IGSF11: variants seen among roughly 807,000 people sequenced by gnomAD.
The protein encoded by IGSF11 is immunoglobulin superfamily member 11.
Under a neutral mutation model 41.0 loss-of-function variants are expected in IGSF11, and 22 were observed. The ratio of observed to expected loss-of-function variants is 0.54; its 90% CI spans 0.38 to 0.77. The LOEUF is 0.77. Ranked by LOEUF, IGSF11 falls within the 30% of genes least tolerant of loss-of-function variation. IGSF11 has a pLI of 0.00. For synonymous variants in IGSF11, 219 were observed against 201.3 expected (o/e 1.09, Z -0.74); for missense variants, 444 against 530.8 (o/e 0.84, Z 1.61).
At chr3:118,983,653 T>C (rs971856897) in intron 1 of IGSF11, among the ~76,000 whole-genome samples, 1 of 152,036 alleles carries the variant, frequency 6.6e-6, no homozygotes, top group Non-Finnish European at 1.5e-5. Context: ...GTTACACAAA[T>C]GAGAAAACAG....
chr3:118,920,223 C>T (rs1323497788), intron 4 of IGSF11, among the ~76,000 whole-genome samples: 2 of 147,392 alleles, frequency 1.4e-5, no homozygotes, highest in Non-Finnish European at 3.0e-5. Flanking sequence ...AACTAACCTG[C>T]ACAATGTGCA....
Position 118,902,415 on chromosome 3 carries a change from A to G in IGSF11, c.*105T>C. The G allele has an allele frequency of 3.5e-6, 3 of 860,064 alleles. No individual in the cohort carries two copies. Among genetic ancestry groups the G allele is most frequent in the Non-Finnish European group, 5.5e-6 (3 of 549,066 alleles). 53.3% of individuals were successfully genotyped at this position (860,064 alleles called of 1,614,324 possible). A position where few individuals can be genotyped will look rare whatever the true frequency, so the allele number is the denominator to read the frequency against. ...CTTCTTCTTTGTGCATTTTACTAAT[A>G]TAATTATAAGGAAGTGTTTCTTTCC... On this transcript the variant is annotated 3_prime_UTR_variant, in exon 7 of 7. Transcript: ENST00000393775.
chr3:119,134,283 T>C (rs2077525679), intron 1 of IGSF11, among the ~76,000 whole-genome samples: 1 of 152,208 alleles, frequency 6.6e-6, no homozygotes, highest in Admixed American at 6.5e-5. Flanking sequence ...GGGTCCCTGT[T>C]TGCAGATGAC....
At chr3:118,974,106 A>G (rs1933783477) in intron 1 of IGSF11, among the ~76,000 whole-genome samples, 1 of 152,084 alleles carries the variant, frequency 6.6e-6, no homozygotes. Flanking sequence ...AGAACTTTAA[A>G]TTAAATTTAA....
intron 4 of IGSF11, among the ~76,000 whole-genome samples, chr3:118,919,194 C>T (rs1343940218): frequency 2.3e-5 from 3 of 133,166 alleles, no homozygotes; most frequent in East Asian, 2.2e-4. Flanking sequence ...AGGACATAGG[C>T]GTGGGCAAGG....
chr3:118,954,499 A>T (rs1944811223), intron 1 of IGSF11, among the ~76,000 whole-genome samples: 1 of 152,076 alleles, frequency 6.6e-6, no homozygotes, highest in Non-Finnish European at 1.5e-5. Context: ...GTTGGAATCA[A>T]CTTCTTACAA....
intron 1 of IGSF11, among the ~76,000 whole-genome samples, chr3:118,991,547 A>G (rs1365930028): frequency 6.6e-6 from 1 of 152,258 alleles, no homozygotes; most frequent in East Asian, 1.9e-4. Context: ...AGTATACAAA[A>G]TTAAATATTA....
At chr3:119,125,675 C>T (rs552843700) in intron 1 of IGSF11, among the ~76,000 whole-genome samples, 2 of 151,794 alleles carry the variant, frequency 1.3e-5, no homozygotes, top group Non-Finnish European at 2.9e-5. Flanking sequence ...CAGCTCCCAT[C>T]AAAAAAAATC....
chr3:119,131,319 TG>T lies in IGSF11; in HGVS notation c.-14+14493del, dbSNP rs556765352. ...TAAAAACCTTGAAAAAAAGGTTAGA[TG>T]AATGGGTACTAGAATAAACAGTGGA... On this transcript the variant is annotated intron_variant, in intron 1 of 7. Transcript: ENST00000425327. 2.0e-3 allele frequency among the ~76,000 whole-genome samples: 311 copies of T among 152,112 alleles called. 1 individual carries two copies. The highest frequency in any genetic ancestry group is 2.6e-3 in the Non-Finnish European group (179 of 67,986).
intron 1 of IGSF11, among the ~76,000 whole-genome samples, chr3:119,048,228 C>T (rs1576727324): frequency 6.6e-6 from 1 of 151,574 alleles, no homozygotes; most frequent in Non-Finnish European, 1.5e-5. Flanking sequence ...TTGAAAGGAT[C>T]AACAAAATTG....
chr3:118,973,760 A>AGCAATCATATGT (rs1933720983), intron 1 of IGSF11, among the ~76,000 whole-genome samples: 1 of 152,252 alleles, frequency 6.6e-6, no homozygotes, highest in East Asian at 1.9e-4. Flanking sequence ...TCCAAACAAG[A>AGCAATCATATGT]GCAATCATAT....
upstream of IGSF11, among the ~76,000 whole-genome samples, chr3:119,106,886 T>A (rs925685862): frequency 6.6e-6 from 1 of 152,176 alleles, no homozygotes; most frequent in Non-Finnish European, 1.5e-5. Flanking sequence ...TGATTTCCAA[T>A]TTCATCCATG....
chr3:119,051,003 G>T (rs1941601036), intron 1 of IGSF11, among the ~76,000 whole-genome samples: 1 of 146,992 alleles, frequency 6.8e-6, no homozygotes, highest in South Asian at 2.3e-4. Flanking sequence ...TTGTGGGTTG[G>T]GGGGAGGGGG....
At position 119,083,759 on chromosome 3, in the gene IGSF11, T is replaced by C. The variant is rs115723757; in HGVS notation, c.49+21385A>G. Reference sequence around the variant, plus strand: ...TATAAAAGTATAGCACATACAATTATGTGCAGTACACAGTATTTGCTAATG... The same window carrying C: ...TATAAAAGTATAGCACATACAATTACGTGCAGTACACAGTATTTGCTAATG... On this transcript the variant is annotated intron_variant, in intron 1 of 6. Transcript: ENST00000354673. Among the ~76,000 whole-genome samples the C allele has an allele frequency of 4.7e-3, 716 of 152,360 alleles. 13 individuals carry two copies. The highest frequency in any genetic ancestry group is 0.016 in the African/African-American group (685 of 41,586).
intron 1 of IGSF11, chr3:118,983,510 C>T (rs565905258): frequency 2.6e-5 from 4 of 152,232 alleles, no homozygotes; most frequent in African/African-American, 7.2e-5. Context: ...AAAATAAAGA[C>T]GTAATACTGA....
chr3:118,922,057 G>A (rs1300953026), intron 4 of IGSF11, among the ~76,000 whole-genome samples: 3 of 151,288 alleles, frequency 2.0e-5, no homozygotes, highest in Non-Finnish European at 2.9e-5. Flanking sequence ...CATTCTCACT[G>A]GTGATCACTG....
intron 1 of IGSF11, among the ~76,000 whole-genome samples, chr3:118,934,906 T>C (rs1943124263): frequency 6.6e-6 from 1 of 152,176 alleles, no homozygotes; most frequent in Admixed American, 6.5e-5. Context: ...CTCTGTCTGG[T>C]TTGCTTTGTT....
intron 1 of IGSF11, among the ~76,000 whole-genome samples, chr3:119,087,905 T>C (rs769541147): frequency 1.4e-4 from 21 of 152,040 alleles, no homozygotes; most frequent in Admixed American, 3.3e-4. Context: ...CCACCCAACA[T>C]TGGAGCACCA....
chr3:118,947,306 T>C (rs1344590303), intron 1 of IGSF11: 1 of 152,186 alleles, frequency 6.6e-6, no homozygotes, highest in Non-Finnish European at 1.5e-5. Flanking sequence ...AACAAACATA[T>C]ACGTGCACAA....
Sources: gnomAD v4.1 joint callset for allele counts (sites outside exome capture counted in the v4.1 genomes callset) on GRCh38, gnomAD v4.1.1 for gene constraint, MANE v1.5 for transcripts, NCBI Gene and HGNC (gene_info 2026-07-23, HGNC 2026-07-21) for gene names.